The following DCLK1 variants were observed in gnomAD, a reference collection of about 807,000 sequenced individuals.
DCLK1 encodes the protein doublecortin like kinase 1, also known as serine/threonine-protein kinase DCLK1.
Under a neutral mutation model 86.2 loss-of-function variants are expected in DCLK1, and 16 were observed. That is an observed-to-expected ratio of 0.19 (90% CI 0.13 to 0.28). The LOEUF is 0.28. Ranked by LOEUF, DCLK1 falls within the 10% of genes least tolerant of loss-of-function variation. The pLI is 1.00. For missense variants in DCLK1, 590 were observed against 940.2 expected, an observed-to-expected ratio of 0.63 and a Z score of 4.87; for synonymous variants, 369 against 370.5, an observed-to-expected ratio of 1.00 and a Z score of 0.05.
chr13:35,802,275 T>C (rs2086935962), intron 15 of DCLK1, among the ~76,000 whole-genome samples: 1 of 150,528 alleles, frequency 6.6e-6, no homozygotes, highest in Non-Finnish European at 1.5e-5. Context: ...GAGGCTGCAG[T>C]GAGCCATGAT....
intron 5 of DCLK1, among the ~76,000 whole-genome samples, chr13:35,868,511 T>C (rs559369219): frequency 3.9e-5 from 6 of 152,288 alleles, no homozygotes; most frequent in Middle Eastern, 3.4e-3. Context: ...AGGAAGAAGA[T>C]AGGAAAGGTT....
At chr13:35,798,000 C>T (rs1056097368) in intron 15 of DCLK1, among the ~76,000 whole-genome samples, 41 of 152,278 alleles carry the variant, frequency 2.7e-4, no homozygotes, top group African/African-American at 9.6e-4. Flanking sequence ...TATTACCATA[C>T]GTTCTGGTTT....
At chr13:35,961,937 C>T (rs568258454) in intron 3 of DCLK1, among the ~76,000 whole-genome samples, 96 of 152,226 alleles carry the variant, frequency 6.3e-4, no homozygotes, top group African/African-American at 2.3e-3. Flanking sequence ...GTTATTGATG[C>T]ATTTAAACAA....
chr13:35,771,875 A>T lies in DCLK1; in HGVS notation c.*2660T>A, dbSNP rs2086339258. On this transcript the variant is annotated 3_prime_UTR_variant, in exon 17 of 17. Transcript: ENST00000360631. ...TCAATTTGGTTATAGAAATTCCTTAAAGAACACCACCACTTAATTATTTCA... is the reference window on the plus strand; with the variant it reads ...TCAATTTGGTTATAGAAATTCCTTATAGAACACCACCACTTAATTATTTCA... 6.6e-6 allele frequency: 1 copy of T among 152,228 alleles called. No individual in the cohort carries two copies. The highest frequency in any genetic ancestry group is 2.1e-4 in the South Asian group (1 of 4,832). The allele number at this position is 152,228 out of a possible 1,614,324, so 9.4% of individuals were successfully genotyped here. A position where few individuals can be genotyped will look rare whatever the true frequency, so the allele number is the denominator to read the frequency against.
intron 3 of DCLK1, among the ~76,000 whole-genome samples, chr13:35,993,551 A>C (rs1880334891): frequency 6.6e-6 from 1 of 152,188 alleles, no homozygotes; most frequent in Non-Finnish European, 1.5e-5. Context: ...ACTATCTGTG[A>C]AACTTGGGGA....
At chr13:36,045,334 A>ATC (rs1566658652) in intron 3 of DCLK1, among the ~76,000 whole-genome samples, 3 of 29,316 alleles carry the variant, frequency 1.0e-4, no homozygotes, top group African/African-American at 1.6e-4. Flanking sequence ...GTGTGTGTGT[A>ATC]TATATATATA....
rs2086923366 is a variant in DCLK1 at position 35,801,691 on chromosome 13, T to C, written c.1944+4008A>G. ...GTGTAAAACTGTGCACAAAACCAGGTAGAAGAGGCAGAAAGTTACTGCTGA... is the reference window on the plus strand; with the variant it reads ...GTGTAAAACTGTGCACAAAACCAGGCAGAAGAGGCAGAAAGTTACTGCTGA... On this transcript the variant is annotated intron_variant, in intron 15 of 16. Coordinates refer to ENST00000360631, the MANE Select transcript of DCLK1 (RefSeq NM_001330071.2). Among the ~76,000 whole-genome samples the C allele has an allele frequency of 2.0e-5, 3 of 152,140 alleles. No homozygotes were observed. The South Asian group carries it at 6.2e-4, about 32-fold the overall frequency.
chr13:35,902,828 C>A (rs961208670), intron 4 of DCLK1, among the ~76,000 whole-genome samples: 16 of 152,036 alleles, frequency 1.1e-4, no homozygotes. Flanking sequence ...GGCATATGTC[C>A]AAAAGATGCT....
chr13:36,086,868 C>T (rs776099566), intron 3 of DCLK1, among the ~76,000 whole-genome samples: 31 of 152,122 alleles, frequency 2.0e-4, no homozygotes, highest in Admixed American at 1.7e-3. Flanking sequence ...TCTAGTCTAT[C>T]ATTGATGGGA....
At chr13:35,970,616 C>G (rs1285908446) in intron 3 of DCLK1, among the ~76,000 whole-genome samples, 1 of 152,120 alleles carries the variant, frequency 6.6e-6, no homozygotes, top group African/African-American at 2.4e-5. Context: ...TAGTGTTCCT[C>G]CTTCTGGAGG....
At chr13:35,848,911 CTA>C (rs1870403374) in intron 6 of DCLK1, 1 of 985,298 alleles carries the variant, frequency 1.0e-6, no homozygotes. Flanking sequence ...ACTGTTTCAG[CTA>C]AAATAAAGCA....
chr13:35,811,396 A>T (rs1390734617), intron 11 of DCLK1, among the ~76,000 whole-genome samples: 2 of 152,138 alleles, frequency 1.3e-5, no homozygotes, highest in African/African-American at 4.8e-5. Context: ...TCTTGGTGGT[A>T]GGATTACAGG....
At chr13:35,917,754 A>C (rs1250221252) in intron 4 of DCLK1, among the ~76,000 whole-genome samples, 1 of 151,306 alleles carries the variant, frequency 6.6e-6, no homozygotes, top group African/African-American at 2.4e-5. Flanking sequence ...CATTTTCAAA[A>C]TCATTAGTTA....
chr13:35,946,614 T>C (rs1877395466), intron 4 of DCLK1, among the ~76,000 whole-genome samples: 1 of 152,222 alleles, frequency 6.6e-6, no homozygotes, highest in Admixed American at 6.5e-5. Context: ...ATTTGGGTTG[T>C]CAGTAAATAT....
intron 6 of DCLK1, among the ~76,000 whole-genome samples, chr13:35,841,279 C>G (rs1372120278): frequency 6.6e-6 from 1 of 152,210 alleles, no homozygotes; most frequent in East Asian, 1.9e-4. Context: ...GTCCCAAAAG[C>G]TTGTTCTTTT....
chr13:35,933,007 A>AT (rs1273030228), intron 4 of DCLK1, among the ~76,000 whole-genome samples: 1 of 152,202 alleles, frequency 6.6e-6, no homozygotes, highest in Non-Finnish European at 1.5e-5. Context: ...CCTAGATACA[A>AT]TGGGGGTACG....
chr13:35,844,433 A>C (rs1870031979), intron 6 of DCLK1, among the ~76,000 whole-genome samples: 1 of 152,194 alleles, frequency 6.6e-6, no homozygotes, highest in Non-Finnish European at 1.5e-5. Context: ...TTCTGGCCTC[A>C]ATTGTCCAAT....
intron 4 of DCLK1, among the ~76,000 whole-genome samples, chr13:35,943,852 T>G (rs746853493): frequency 3.3e-5 from 5 of 152,200 alleles, no homozygotes; most frequent in Non-Finnish European, 7.4e-5. Flanking sequence ...TTGAGCTTCC[T>G]GTCTCCAATG....
chr13:36,068,438 C>T (rs530839717), intron 3 of DCLK1, among the ~76,000 whole-genome samples: 24 of 152,286 alleles, frequency 1.6e-4, no homozygotes, highest in African/African-American at 5.8e-4. Context: ...ATCTTAAACT[C>T]AGCTTTGGAG....
Sources: gnomAD v4.1 joint callset for allele counts (sites outside exome capture counted in the v4.1 genomes callset) on GRCh38, gnomAD v4.1.1 for gene constraint, MANE v1.5 for transcripts, NCBI Gene and HGNC (gene_info 2026-07-23, HGNC 2026-07-21) for gene names.